Variants in CMSS1 observed in about 807,000 individuals in gnomAD.
The protein encoded by CMSS1 is cms1 ribosomal small subunit homolog.
CMSS1 carries 33 observed loss-of-function variants against 43.5 expected under a neutral mutation model. The observed-to-expected ratio is 0.76, with a 90% CI of 0.57 to 1.01. The LOEUF (loss-of-function observed/expected upper bound fraction) is 1.01, where lower values mean the gene tolerates loss of function less well. Ranked by LOEUF, CMSS1 falls within the 50% of genes least tolerant of loss-of-function variation. CMSS1 has a pLI of 0.00. For missense variants in CMSS1, 313 were observed against 326.4 expected, an observed-to-expected ratio of 0.96 and a Z score of 0.32; for synonymous variants, 115 against 117.2, an observed-to-expected ratio of 0.98 and a Z score of 0.12.
intron 1 of CMSS1, among the ~76,000 whole-genome samples, chr3:99,948,149 A>G (rs1708064926): frequency 6.6e-6 from 1 of 152,186 alleles, no homozygotes; most frequent in African/African-American, 2.4e-5. Flanking sequence ...AGTGCATTAG[A>G]AACATGGTTA....
At chr3:99,831,994 G>T (rs1230193393) in intron 1 of CMSS1, among the ~76,000 whole-genome samples, 1 of 152,172 alleles carries the variant, frequency 6.6e-6, no homozygotes, top group Non-Finnish European at 1.5e-5. Flanking sequence ...GGTGGAGCTC[G>T]TTTCTTTTGA....
intron 1 of CMSS1, among the ~76,000 whole-genome samples, chr3:99,973,140 G>T (rs763107745): frequency 2.1e-4 from 32 of 152,084 alleles, no homozygotes; most frequent in Admixed American, 1.0e-3. Context: ...TAAAAGCCAA[G>T]GTTTAGATTT....
intron 3 of CMSS1, 122 bp downstream of exon 3, chr3:100,160,623 T>C: frequency 1.7e-6 from 1 of 589,784 alleles, no homozygotes; most frequent in Non-Finnish European, 3.1e-6. Flanking sequence ...CATTGTAAGA[T>C]TCTTTGAGGT....
chr3:100,119,495 C>G (rs991200753), intron 1 of CMSS1, among the ~76,000 whole-genome samples: 1 of 152,348 alleles, frequency 6.6e-6, no homozygotes, highest in South Asian at 2.1e-4. Context: ...CTCTCCCCCA[C>G]TAATGGGAAG....
intron 1 of CMSS1, among the ~76,000 whole-genome samples, chr3:99,854,067 T>G (rs551696942): frequency 2.0e-5 from 3 of 152,296 alleles, no homozygotes; most frequent in Non-Finnish European, 2.9e-5. Context: ...GCACTTCTGA[T>G]AGTGATGAAT....
intron 1 of CMSS1, among the ~76,000 whole-genome samples, chr3:100,063,558 A>C (rs1459261816): frequency 6.6e-6 from 1 of 152,206 alleles, no homozygotes; most frequent in Non-Finnish European, 1.5e-5. Flanking sequence ...ACCCTGCATA[A>C]TTAGCAACTA....
rs186825578 is a variant in CMSS1, at chr3:100,109,070, C to T, written c.65-37903C>T. On this transcript the variant is annotated intron_variant, in intron 1 of 9. Coordinates refer to ENST00000421999, the MANE Select transcript of CMSS1 (RefSeq NM_032359.4). ...AGTTTTCTGGGTTCTACAGGATGAT[C>T]GTTTTTAACTGTCTCTTAAAAAAAA... 1.2e-4 allele frequency among the ~76,000 whole-genome samples: 17 copies of T among 144,390 alleles called. No individual in the cohort carries two copies. The East Asian group carries it at 3.4e-3, about 29-fold the overall frequency. The allele number at this position is 144,390 out of a possible 152,430, so 94.7% of individuals were successfully genotyped here.
intron 1 of CMSS1, among the ~76,000 whole-genome samples, chr3:99,870,303 G>A (rs137869246): frequency 8.5e-5 from 13 of 152,290 alleles, no homozygotes; most frequent in African/African-American, 2.9e-4. Context: ...TCACCGTTGA[G>A]ACACTAACAT....
At chr3:100,118,701 A>C (rs921729238) in intron 1 of CMSS1, among the ~76,000 whole-genome samples, 7 of 152,156 alleles carry the variant, frequency 4.6e-5, no homozygotes, top group African/African-American at 1.7e-4. Context: ...TTAACTTTCA[A>C]AAGTTGACCC....
At chr3:100,138,231 T>C (rs2066772188) in intron 1 of CMSS1, among the ~76,000 whole-genome samples, 1 of 152,118 alleles carries the variant, frequency 6.6e-6, no homozygotes, top group Non-Finnish European at 1.5e-5. Flanking sequence ...CCCAAAACCA[T>C]AAACACCCTA....
chr3:100,015,879 T>G (rs1057173555), intron 1 of CMSS1, among the ~76,000 whole-genome samples: 3 of 152,212 alleles, frequency 2.0e-5, no homozygotes, highest in Non-Finnish European at 4.4e-5. Context: ...GATGTATATA[T>G]GTGGAGAACC....
intron 1 of CMSS1, among the ~76,000 whole-genome samples, chr3:99,824,432 G>C (rs1238006242): frequency 6.6e-6 from 1 of 152,218 alleles, no homozygotes; most frequent in African/African-American, 2.4e-5. Context: ...CCCAGCAGTA[G>C]ACTGTAAGAG....
chr3:99,914,964 T>A (rs2107643516), intron 1 of CMSS1, among the ~76,000 whole-genome samples: 1 of 152,352 alleles, frequency 6.6e-6, no homozygotes, highest in Admixed American at 6.5e-5. Context: ...ATATAAAAAC[T>A]GCAATGTATG....
chr3:99,903,780 T>A (rs1438345893), intron 1 of CMSS1, among the ~76,000 whole-genome samples: 1 of 152,132 alleles, frequency 6.6e-6, no homozygotes, highest in African/African-American at 2.4e-5. Flanking sequence ...AAAAAGTGTG[T>A]CTTTTTTTAC....
intron 1 of CMSS1, among the ~76,000 whole-genome samples, chr3:100,131,347 A>G (rs991626048): frequency 5.3e-5 from 8 of 152,228 alleles, no homozygotes; most frequent in Non-Finnish European, 1.2e-4. Flanking sequence ...GCTTCAAATG[A>G]GTGATAAACG....
intron 1 of CMSS1, among the ~76,000 whole-genome samples, chr3:100,064,398 C>CTTT (rs527292402): frequency 1.4e-5 from 2 of 146,070 alleles, no homozygotes; most frequent in Non-Finnish European, 1.5e-5. Context: ...CCCCAACACC[C>CTTT]TTTTTTTTTT....
chr3:99,952,873 A>G (rs980048159), intron 1 of CMSS1, among the ~76,000 whole-genome samples: 3 of 152,200 alleles, frequency 2.0e-5, no homozygotes, highest in Non-Finnish European at 2.9e-5. Flanking sequence ...GTTTTTCTGC[A>G]TAATGAAAAA....
intron 1 of CMSS1, among the ~76,000 whole-genome samples, chr3:100,094,382 T>A (rs1438721774): frequency 6.6e-6 from 1 of 152,164 alleles, no homozygotes; most frequent in Non-Finnish European, 1.5e-5. Flanking sequence ...ATCAAGATAT[T>A]ATTTTCATTC....
At chr3:100,069,453 C>T (rs1445089599) in intron 1 of CMSS1, among the ~76,000 whole-genome samples, 5 of 152,106 alleles carry the variant, frequency 3.3e-5, no homozygotes, top group African/African-American at 9.7e-5. Flanking sequence ...AAGGAGATGG[C>T]TGGTTGTGTG....
Sources: allele counts gnomAD v4.1 joint callset (sites outside exome capture counted in the v4.1 genomes callset), GRCh38; gene constraint gnomAD v4.1.1; transcripts MANE v1.5; gene names NCBI Gene and HGNC (gene_info 2026-07-23, HGNC 2026-07-21).